Variants in SCGB2A2 observed in about 807,000 individuals in gnomAD.
SCGB2A2 encodes secretoglobin family 2A member 2.
SCGB2A2 carries 11 observed loss-of-function variants against 8.8 expected under a neutral mutation model. That is an observed-to-expected ratio of 1.25 (90% CI 0.79 to 2.07). The LOEUF is 2.07. Among genes scored for constraint, SCGB2A2 ranks in the 30% most tolerant of loss-of-function variants. The probability of loss-of-function intolerance (pLI) is 0.00; values close to 1 mark genes in which losing one functional copy is unlikely to be tolerated. For synonymous variants in SCGB2A2, 42 were observed against 40.9 expected (o/e 1.03, Z -0.10); for missense variants, 113 against 109.9 (o/e 1.03, Z -0.13).
intron 2 of SCGB2A2, chr11:62,272,077 C>T (rs1284665048): frequency 2.7e-6 from 1 of 370,150 alleles, no homozygotes; most frequent in Admixed American, 1.5e-4. Flanking sequence ...AGAAATATAC[C>T]AAACCCCTCC....
intron 2 of SCGB2A2, among the ~76,000 whole-genome samples, chr11:62,272,383 A>G (rs1244519724): frequency 6.6e-6 from 1 of 152,212 alleles, no homozygotes; most frequent in African/African-American, 2.4e-5. Context: ...AACCACACGA[A>G]TATACAGAAC....
intron 2 of SCGB2A2, chr11:62,271,413 A>G: frequency 7.1e-7 from 1 of 1,407,972 alleles, no homozygotes; most frequent in Non-Finnish European, 9.2e-7. Context: ...ACACATCCAG[A>G]CACATGCAAA....
chr11:62,271,081 T>G lies in SCGB2A2; in HGVS notation c.243+13T>G. ...TGAGGTGTTTATGGTAATTTCATTT[T>G]CTTCCTATAAGCTTTTTAAATCCCC... is the stretch of plus-strand genomic sequence containing the variant. On this transcript the variant is annotated intron_variant, in intron 2 of 2. Transcript: ENST00000227918. 1.2e-6 allele frequency: 2 copies of G among 1,614,186 alleles called. No homozygotes were observed. Among genetic ancestry groups the G allele is most frequent in the South Asian group, 2.2e-5 (2 of 91,088 alleles).
chr11:62,270,376 C>T (rs1193859002), intron 1 of SCGB2A2, 105 bp downstream of exon 1: 2 of 1,070,356 alleles, frequency 1.9e-6, no homozygotes, highest in East Asian at 4.8e-5. Context: ...AGCCCCAGTA[C>T]AAAGGCTGTA....
At chr11:62,271,415 A>C in intron 2 of SCGB2A2, 2 of 1,405,926 alleles carry the variant, frequency 1.4e-6, no homozygotes, top group Non-Finnish European at 1.8e-6. Context: ...ACATCCAGAC[A>C]CATGCAAACA....
chr11:62,273,095 T>C lies in SCGB2A2; in HGVS notation c.*100T>C. 1.2e-6 allele frequency: 1 copy of C among 807,780 alleles called. No individual in the cohort carries two copies. The highest frequency in any genetic ancestry group is 2.5e-5 in the Admixed American group (1 of 40,288). The allele number at this position is 807,780 out of a possible 1,614,324, so 50.0% of individuals were successfully genotyped here. ...CCTTCTCTTTCTTATGTCTTTTTAC[T>C]ACAAACTACAAGACAATTGTTGAAA... On this transcript the variant is annotated 3_prime_UTR_variant, in exon 3 of 3. Coordinates refer to ENST00000227918, the MANE Select transcript of SCGB2A2 (RefSeq NM_002411.4).
chr11:62,271,778 T>A (rs1466691497), intron 2 of SCGB2A2: 12 of 985,794 alleles, frequency 1.2e-5, no homozygotes, highest in Non-Finnish European at 1.2e-5. Context: ...GAAAATACCA[T>A]TTGAGCAAGA....
chr11:62,270,404 CA>C, intron 1 of SCGB2A2, 133 bp downstream of exon 1: 1 of 815,780 alleles, frequency 1.2e-6, no homozygotes, highest in East Asian at 2.7e-5. Context: ...CAGATCTCAC[CA>C]TGTTGCCCAG....
At chr11:62,271,541 C>T in intron 2 of SCGB2A2, 1 of 1,120,492 alleles carries the variant, frequency 8.9e-7, no homozygotes, top group Non-Finnish European at 1.1e-6. Context: ...ACACAATCAT[C>T]CAGACACAAA....
chr11:62,272,559 G>C (rs1403389097), intron 2 of SCGB2A2, among the ~76,000 whole-genome samples: 5 of 151,652 alleles, frequency 3.3e-5, no homozygotes, highest in South Asian at 2.1e-4. Context: ...AATTAGTAGA[G>C]CACAATGGTG....
chr11:62,270,238 A>G lies in SCGB2A2; in HGVS notation c.22A>G (p.Met8Val), dbSNP rs1339751408. 4 of 1,613,932 alleles carry G rather than the reference A, an allele frequency of 2.5e-6. No homozygotes were observed. The Admixed American group carries it at 6.7e-5, about 27-fold the overall frequency. ...CACCATGAAGTTGCTGATGGTCCTCATGCTGGCGGCCCTCTCCCAGCACTG... is the reference window on the plus strand; with the variant it reads ...CACCATGAAGTTGCTGATGGTCCTCGTGCTGGCGGCCCTCTCCCAGCACTG... MKLLMVL[M>V]LAALSQHCYA... The change falls in exon 1 of 3, where the codon ATG (methionine) becomes GTG (valine). Residue 8 changes from methionine (M) to valine (V), a missense_variant. By Grantham distance (21) the Met-to-Val change is conservative (BLOSUM62 1). Transcript: ENST00000227918.
intron 2 of SCGB2A2, 71 bp from the exon 3 acceptor site, chr11:62,272,885 TC>T: frequency 8.6e-7 from 1 of 1,165,748 alleles, no homozygotes; most frequent in Admixed American, 2.0e-5. Flanking sequence ...AAGATAAGCT[TC>T]TGTTTTTCAA....
At position 62,271,005 on chromosome 11, in the gene SCGB2A2, T is replaced by C. The variant is rs765181973; in HGVS notation, c.180T>C (p.Asp60=). The change falls in exon 2 of 3, where the codon GAT becomes GAC. Residue 60 remains aspartate, a synonymous_variant. Transcript: ENST00000227918. ...ACAATGCCACTACAAATGCCATAGA[T>C]GAATTGAAGGAATGTTTTCTTAACC... ...IDDNATTNAI[D]ELKECFLNQT... 50 of 1,614,060 alleles carry C rather than the reference T, an allele frequency of 3.1e-5. No homozygotes were observed. Among genetic ancestry groups the C allele is most frequent in the Non-Finnish European group, 4.2e-5 (49 of 1,180,016 alleles).
Position 62,273,148 on chromosome 11 carries a change from T to C in SCGB2A2, c.*153T>C. ...TGCTATACATGTTTATTTTAATAAA[T>C]TGATGGCAAAAACTGAAGTTTCTCT... On this transcript the variant is annotated 3_prime_UTR_variant, in exon 3 of 3. Coordinates refer to ENST00000227918, the MANE Select transcript of SCGB2A2 (RefSeq NM_002411.4). 2 of 535,446 alleles carry C rather than the reference T, an allele frequency of 3.7e-6. No homozygotes were observed. The highest frequency in any genetic ancestry group is 7.1e-5 in the South Asian group (2 of 28,016). The allele number at this position is 535,446 out of a possible 1,614,324, so 33.2% of individuals were successfully genotyped here.
chr11:62,271,726 A>T, intron 2 of SCGB2A2: 6 of 986,248 alleles, frequency 6.1e-6, no homozygotes, highest in Non-Finnish European at 7.2e-6. Flanking sequence ...AAAAAAGTAA[A>T]AGTGTTCTTT....
In SCGB2A2 at chr11:62,270,930, A is replaced by G; in HGVS notation, c.105A>G (p.Pro35=). ...ATGTGATTTCCAAGACAATCAATCC[A>G]CAAGTGTCTAAGACTGAATACAAAG... ...LENVISKTIN[P]QVSKTEYKEL... Residue 35 remains proline (P), a synonymous_variant, in exon 2 of 3, where the codon CCA becomes CCG. Coordinates refer to ENST00000227918, the MANE Select transcript of SCGB2A2 (RefSeq NM_002411.4). The G allele has an allele frequency of 6.2e-7, 1 of 1,614,148 alleles. No individual in the cohort carries two copies. Among genetic ancestry groups the G allele is most frequent in the African/African-American group, 1.3e-5 (1 of 75,042 alleles).
intron 2 of SCGB2A2, chr11:62,271,508 G>A: frequency 8.3e-7 from 1 of 1,210,758 alleles, no homozygotes; most frequent in Non-Finnish European, 1.0e-6. Flanking sequence ...CACAGACACA[G>A]ACACAGACAC....
intron 1 of SCGB2A2, 130 bp downstream of exon 1, chr11:62,270,401 C>T: frequency 3.6e-6 from 3 of 835,612 alleles, no homozygotes; most frequent in Non-Finnish European, 5.8e-6. Flanking sequence ...TAACAGATCT[C>T]ACCATGTTGC....
Position 62,272,971 on chromosome 11 carries a change from C to A in SCGB2A2, c.258C>A (p.Asp86Glu). ...TTGCTTTCTAGCAATTAATATATGA[C>A]AGCAGTCTTTGTGATTTATTTTAAC... is the stretch of plus-strand genomic sequence containing the variant. ...NVEVFMQLIY[D>E]SSLCDLF is the part of the protein sequence containing the mutation. The change falls in exon 3 of 3, where the codon GAC becomes GAA. Residue 86 changes from aspartate to glutamate, a missense_variant. By Grantham distance (45) the Asp-to-Glu change is conservative. Coordinates refer to ENST00000227918, the MANE Select transcript of SCGB2A2 (RefSeq NM_002411.4). The A allele has an allele frequency of 6.2e-7, 1 of 1,608,162 alleles. No homozygotes were observed. Among genetic ancestry groups the A allele is most frequent in the South Asian group, 1.1e-5 (1 of 89,404 alleles).
Sources: gnomAD v4.1 joint callset for allele counts (sites outside exome capture counted in the v4.1 genomes callset) on GRCh38, gnomAD v4.1.1 for gene constraint, MANE v1.5 for transcripts, NCBI Gene and HGNC (gene_info 2026-07-23, HGNC 2026-07-21) for gene names.